RDX: variants seen among roughly 807,000 people sequenced by gnomAD.
RDX encodes the protein radixin.
Under a neutral mutation model 83.7 loss-of-function variants are expected in RDX, and 32 were observed. The observed-to-expected ratio is 0.38, with a 90% CI of 0.29 to 0.51. RDX has a LOEUF of 0.51. RDX is among the 20% of genes least tolerant of loss of function. The pLI, the probability that RDX is intolerant of heterozygous loss-of-function variation, is 0.87. For missense variants in RDX, 600 were observed against 689.9 expected, an observed-to-expected ratio of 0.87 and a Z score of 1.46; for synonymous variants, 229 against 222.7, an observed-to-expected ratio of 1.03 and a Z score of -0.25.
At chr11:110,203,612 C>A (rs1296242267) in intron 14 of RDX, among the ~76,000 whole-genome samples, 1 of 151,890 alleles carries the variant, frequency 6.6e-6, no homozygotes, top group Non-Finnish European at 1.5e-5. Flanking sequence ...ACATTGCATG[C>A]TTGTATCAAA....
downstream of RDX, among the ~76,000 whole-genome samples, chr11:110,224,933 T>C (rs1249098229): frequency 6.6e-6 from 1 of 152,222 alleles, no homozygotes; most frequent in African/African-American, 2.4e-5. Context: ...TTAGTTATTG[T>C]TCCCTTCTGT....
At position 110,265,097 on chromosome 11, in the gene RDX, G is replaced by GT. The variant is rs796657552; in HGVS notation, c.97-224dup. On this transcript the variant is annotated intron_variant, in intron 3 of 13. Coordinates refer to ENST00000645495, the MANE Select transcript of RDX (RefSeq NM_002906.4). ...TTTCTTTTTTTTTTTTTGAAAAGAA[G>GT]TTTTTTTTTTTGTTTTTTTTTTTTT... 7.5e-3 allele frequency among the ~76,000 whole-genome samples: 812 copies of GT among 107,914 alleles called. 5 individuals are homozygous for GT. Among genetic ancestry groups the GT allele is most frequent in the African/African-American group, 0.01 (303 of 29,898 alleles). The allele number at this position is 107,914 out of a possible 152,430, so 70.8% of individuals were successfully genotyped here. A position where few individuals can be genotyped will look rare whatever the true frequency, so the allele number is the denominator to read the frequency against.
chr11:110,245,806 T>C (rs1859084532), intron 10 of RDX, among the ~76,000 whole-genome samples: 1 of 152,192 alleles, frequency 6.6e-6, no homozygotes, highest in Non-Finnish European at 1.5e-5. Context: ...ACTAGAAAGG[T>C]GCCTAGTACA....
chr11:110,278,250 G>A (rs945231627), intron 2 of RDX, among the ~76,000 whole-genome samples: 1 of 150,770 alleles, frequency 6.6e-6, no homozygotes. Flanking sequence ...AATTGCTTTA[G>A]CTACTCTGTA....
At chr11:110,235,915 T>A (rs1480421352) in intron 12 of RDX, among the ~76,000 whole-genome samples, 184 bp downstream of exon 12, 1 of 152,238 alleles carries the variant, frequency 6.6e-6, no homozygotes, top group African/African-American at 2.4e-5. Context: ...CAGAAATTAA[T>A]CACCTCTTCT....
At chr11:110,211,152 G>C (rs1295596078) in intron 14 of RDX, among the ~76,000 whole-genome samples, 1 of 152,092 alleles carries the variant, frequency 6.6e-6, no homozygotes, top group Non-Finnish European at 1.5e-5. Context: ...GATCTACCAA[G>C]CCAATGGAAA....
intron 12 of RDX, among the ~76,000 whole-genome samples, chr11:110,234,619 T>C (rs1449487543): frequency 6.6e-6 from 1 of 152,364 alleles, no homozygotes; most frequent in South Asian, 2.1e-4. Context: ...AGACTTGATA[T>C]CTGTAATATG....
intron 15 of RDX, among the ~76,000 whole-genome samples, chr11:110,176,815 T>C (rs181313336): frequency 6.6e-6 from 1 of 152,228 alleles, no homozygotes; most frequent in East Asian, 1.9e-4. Flanking sequence ...CCGAAGGTGG[T>C]GGGTGCGTCC....
chr11:110,264,077 C>T lies in RDX; in HGVS notation c.350G>A (p.Cys117Tyr), dbSNP rs1229959067. 2.5e-6 allele frequency: 4 copies of T among 1,613,842 alleles called. No individual in the cohort carries two copies. The highest frequency in any genetic ancestry group is 1.7e-5 in the Admixed American group (1 of 59,992). Residue 117 changes from cysteine (C) to tyrosine (Y), a missense_variant, in exon 5 of 14, where the codon TGC becomes TAC. Transcript: ENST00000645495. ...CAAAAGAACTGCAGTTTCTGGCGGGCAATATATCTCATCATTTAAGATGGC... is the reference window on the plus strand; with the variant it reads ...CAAAAGAACTGCAGTTTCTGGCGGGTAATATATCTCATCATTTAAGATGGC... ...KEAILNDEIY[C>Y]PPETAVLLAS... is the part of the protein sequence containing the mutation.
intron 5 of RDX, among the ~76,000 whole-genome samples, chr11:110,260,866 C>T (rs1380257413): frequency 6.6e-6 from 1 of 152,170 alleles, no homozygotes; most frequent in Non-Finnish European, 1.5e-5. Flanking sequence ...TAATACACTA[C>T]AAATGCTATG....
At chr11:110,221,957 C>T (rs116305451) in intron 14 of RDX, among the ~76,000 whole-genome samples, 10 of 152,258 alleles carry the variant, frequency 6.6e-5, no homozygotes, top group African/African-American at 2.2e-4. Context: ...TCCAACAGTG[C>T]ACAAACAGCA....
At chr11:110,205,431 C>CAAA (rs35103862) in intron 14 of RDX, among the ~76,000 whole-genome samples, 84 of 46,948 alleles carry the variant, frequency 1.8e-3, no homozygotes, top group African/African-American at 5.5e-3. Flanking sequence ...TTTACCTATC[C>CAAA]AAAAAAAAAA....
chr11:110,268,151 T>C (rs925417487), intron 3 of RDX, among the ~76,000 whole-genome samples: 2 of 151,584 alleles, frequency 1.3e-5, no homozygotes, highest in Non-Finnish European at 2.9e-5. Flanking sequence ...CTACTAAAAA[T>C]ACAAAAATTA....
chr11:110,284,753 G>A (rs929522198), intron 1 of RDX, among the ~76,000 whole-genome samples: 4 of 151,894 alleles, frequency 2.6e-5, no homozygotes, highest in Non-Finnish European at 5.9e-5. Flanking sequence ...TCGATCTCCT[G>A]ACCTCGTGAT....
intron 3 of RDX, among the ~76,000 whole-genome samples, chr11:110,265,180 G>A (rs574789680): frequency 5.0e-4 from 69 of 139,316 alleles, no homozygotes; most frequent in Non-Finnish European, 7.5e-4. Context: ...CGCAACTTCC[G>A]TCTCCATTCA....
intron 9 of RDX, 138 bp downstream of exon 9, chr11:110,253,808 A>C (rs904281838): frequency 1.3e-6 from 1 of 763,668 alleles, no homozygotes; most frequent in African/African-American, 1.7e-5. Flanking sequence ...GGACAGAGTG[A>C]TAATACTGTC....
At chr11:110,269,196 T>C (rs147005886) in intron 3 of RDX, among the ~76,000 whole-genome samples, 2 of 152,210 alleles carry the variant, frequency 1.3e-5, no homozygotes, top group East Asian at 1.9e-4. Context: ...TATTACACTC[T>C]TGAACTCCTG....
chr11:110,186,332 TTC>T (rs746040967), intron 15 of RDX, among the ~76,000 whole-genome samples: 2 of 152,166 alleles, frequency 1.3e-5, no homozygotes, highest in Non-Finnish European at 2.9e-5. Context: ...GCCAAGTATG[TTC>T]TGTTTCCTCA....
At chr11:110,295,671 C>T (rs1861424068) in intron 1 of RDX, among the ~76,000 whole-genome samples, 1 of 150,298 alleles carries the variant, frequency 6.7e-6, no homozygotes, top group Admixed American at 6.6e-5. Context: ...AAATGCACTG[C>T]CCCCTTTCAA....
Sources: allele counts gnomAD v4.1 joint callset (sites outside exome capture counted in the v4.1 genomes callset), GRCh38; gene constraint gnomAD v4.1.1; transcripts MANE v1.5; gene names NCBI Gene and HGNC (gene_info 2026-07-23, HGNC 2026-07-21).